The following SDK2 variants were observed in gnomAD, a reference collection of about 807,000 sequenced individuals.
SDK2 encodes protein sidekick-2.
SDK2 carries 105 observed loss-of-function variants against 253.9 expected under a neutral mutation model. That is an observed-to-expected ratio of 0.41 (90% CI 0.35 to 0.49). SDK2 has a LOEUF of 0.49. Among genes scored for constraint, SDK2 ranks in the 20% least tolerant of loss-of-function variants. SDK2 has a pLI of 0.06. For missense variants in SDK2, 2,608 were observed against 3,003.0 expected (o/e 0.87, Z 3.07); for synonymous variants, 1,249 against 1,234.9 (o/e 1.01, Z -0.24).
Position 73,435,311 on chromosome 17 carries a change from TG to T in SDK2, c.1195+138del. ...GTAACTGGCTGTGCCCCCAGGCTGC[TG>T]GGCAGCAGGCGGCCTTTGGGGATCC... On this transcript the variant is annotated intron_variant, in intron 9 of 44. Coordinates refer to ENST00000392650, the MANE Select transcript of SDK2 (RefSeq NM_001144952.2). The surrounding 1 kb of genome is among the most constrained non-coding windows in gnomAD (Gnocchi z 5.7). 1 of 799,836 alleles carries T rather than the reference TG, an allele frequency of 1.3e-6. No homozygotes were observed. 49.5% of individuals were successfully genotyped at this position (799,836 alleles called of 1,614,324 possible). A position where few individuals can be genotyped will look rare whatever the true frequency, so the allele number is the denominator to read the frequency against.
At position 73,345,319 on chromosome 17, in the gene SDK2, C is replaced by CA. The variant is rs532451680; in HGVS notation, c.6165+3279dup. On this transcript the variant is annotated intron_variant, in intron 44 of 44. Transcript: ENST00000392650. The stretch of plus-strand genomic sequence containing the variant: ...GGGGGACAAGAGCGAGACTTCATTT[C>CA]AAAAAAAAAAGAAAAAAAAAGAGAA... 2.3e-3 allele frequency among the ~76,000 whole-genome samples: 326 copies of CA among 140,624 alleles called. 8 individuals are homozygous for CA. The East Asian group carries it at 0.041, about 18-fold the overall frequency. The allele number at this position is 140,624 out of a possible 152,430, so 92.3% of individuals were successfully genotyped here.
At chr17:73,434,532 C>G (rs1335884676) in intron 9 of SDK2, among the ~76,000 whole-genome samples, 1 of 152,242 alleles carries the variant, frequency 6.6e-6, no homozygotes, top group Admixed American at 6.5e-5. Flanking sequence ...GTGATGAACA[C>G]CGTGGAGCTC....
intron 44 of SDK2, among the ~76,000 whole-genome samples, chr17:73,344,683 G>A (rs932064906): frequency 3.3e-5 from 5 of 152,178 alleles, no homozygotes; most frequent in East Asian, 1.9e-4. Flanking sequence ...GCCCCACAGC[G>A]TTTCTTGTTT....
At chr17:73,408,734 A>AAG (rs999533945) in intron 18 of SDK2, among the ~76,000 whole-genome samples, 7 of 152,190 alleles carry the variant, frequency 4.6e-5, no homozygotes, top group Non-Finnish European at 7.4e-5. Flanking sequence ...GGGAGAGAGA[A>AAG]AGAGAGAGAG....
At chr17:73,634,562 G>A (rs551802818) in intron 1 of SDK2, among the ~76,000 whole-genome samples, 2 of 152,174 alleles carry the variant, frequency 1.3e-5, no homozygotes, top group Admixed American at 6.5e-5. Context: ...AGCTTAATAG[G>A]TGGGTTCTCT....
In SDK2 at chr17:73,358,138, G is replaced by A; in HGVS notation, c.5534C>T (p.Ser1845Phe). The A allele has an allele frequency of 2.5e-6, 4 of 1,613,262 alleles. No individual in the cohort carries two copies. The highest frequency in any genetic ancestry group is 3.4e-6 in the Non-Finnish European group (4 of 1,179,738). Residue 1845 changes from serine to phenylalanine, a missense_variant, in exon 40 of 45, where the codon TCC becomes TTC. Ser to Phe is a radical substitution (Grantham distance 155). This residue lies in a region of SDK2 where 1,103 missense variants were observed against 1,143.9 expected (regional missense o/e 0.96). Coordinates refer to ENST00000392650, the MANE Select transcript of SDK2 (RefSeq NM_001144952.2). ...GGGCCCTTTGCCCGGGTCTCCGCTGGACCAGTGAATGGCGATGGCAGAGCT... is the reference window on the plus strand; with the variant it reads ...GGGCCCTTTGCCCGGGTCTCCGCTGAACCAGTGAATGGCGATGGCAGAGCT... ...RYSSAIAIHW[S>F]SGDPGKGPIT...
intron 2 of SDK2, among the ~76,000 whole-genome samples, chr17:73,484,953 C>T (rs985482869): frequency 6.6e-5 from 10 of 152,210 alleles, no homozygotes; most frequent in African/African-American, 2.4e-4. Context: ...TGTGCCTGGG[C>T]TCTCCTGTCT....
At chr17:73,404,600 G>A (rs997817952) in intron 18 of SDK2, among the ~76,000 whole-genome samples, 6 of 152,250 alleles carry the variant, frequency 3.9e-5, no homozygotes, top group Non-Finnish European at 7.3e-5. Context: ...AGCTGGCTCA[G>A]TTTGTGGACC....
chr17:73,436,984 T>G lies in SDK2; in HGVS notation c.1000+755A>C, dbSNP rs147018224. Among the ~76,000 whole-genome samples the G allele has an allele frequency of 3.9e-5, 6 of 152,292 alleles. No homozygotes were observed. The East Asian group carries it at 7.7e-4, about 20-fold the overall frequency. The stretch of plus-strand genomic sequence containing the variant: ...GCAGGGATCTGGCTGTTTGGTTTAT[T>G]ATGTATCTCCCCACTCCTGAGGACA... On this transcript the variant is annotated intron_variant, in intron 8 of 44. Coordinates refer to ENST00000392650, the MANE Select transcript of SDK2 (RefSeq NM_001144952.2).
chr17:73,403,977 A>C (rs1349401820), intron 18 of SDK2, among the ~76,000 whole-genome samples: 1 of 152,248 alleles, frequency 6.6e-6, no homozygotes, highest in Non-Finnish European at 1.5e-5. Context: ...TTCCCCAGCA[A>C]GTATAAAATC....
At chr17:73,516,868 A>G (rs951725800) in intron 1 of SDK2, 1 of 152,176 alleles carries the variant, frequency 6.6e-6, no homozygotes, top group Non-Finnish European at 1.5e-5. Flanking sequence ...ATACACATCT[A>G]ATCTGATTAG....
intron 1 of SDK2, among the ~76,000 whole-genome samples, chr17:73,602,332 C>G (rs1007543747): frequency 3.9e-5 from 6 of 152,136 alleles, no homozygotes; most frequent in African/African-American, 1.4e-4. Flanking sequence ...GAGGCCTGGG[C>G]AGAGCAAGGA....
chr17:73,417,405 C>T (rs1043118279), intron 16 of SDK2, among the ~76,000 whole-genome samples: 1 of 98,830 alleles, frequency 1.0e-5, no homozygotes, highest in Non-Finnish European at 2.1e-5. Flanking sequence ...GACCCTGTCT[C>T]AAAAAAAAAA....
chr17:73,379,399 TG>T lies in SDK2; in HGVS notation c.4864+48del. On this transcript the variant is annotated intron_variant, in intron 35 of 44. Coordinates refer to ENST00000392650, the MANE Select transcript of SDK2 (RefSeq NM_001144952.2). This position sits in a 1 kb window ranked among gnomAD's most constrained non-coding sequence, Gnocchi z 4.5. Reference sequence around the variant, plus strand: ...TCCCGTTTCTTCCAGCTGAACTGGGTGGGGCTGGGAAAGGCATGCTGGGGCC... The same window carrying T: ...TCCCGTTTCTTCCAGCTGAACTGGGTGGGCTGGGAAAGGCATGCTGGGGCC... 1 of 1,537,760 alleles carries T rather than the reference TG, an allele frequency of 6.5e-7. No individual in the cohort carries two copies. Among genetic ancestry groups the T allele is most frequent in the South Asian group, 1.2e-5 (1 of 84,536 alleles).
intron 5 of SDK2, among the ~76,000 whole-genome samples, chr17:73,444,910 C>T (rs1235479754): frequency 6.6e-6 from 1 of 152,194 alleles, no homozygotes; most frequent in Non-Finnish European, 1.5e-5. Flanking sequence ...GGGCCATGAG[C>T]CACACGTGCC....
At chr17:73,425,861 G>T (rs1246074045) in intron 12 of SDK2, among the ~76,000 whole-genome samples, 1 of 151,842 alleles carries the variant, frequency 6.6e-6, no homozygotes, top group African/African-American at 2.4e-5. Context: ...TGTAATATGA[G>T]GAAACTAACA....
chr17:73,440,326 G>C (rs1410810798), intron 6 of SDK2, among the ~76,000 whole-genome samples: 1 of 151,970 alleles, frequency 6.6e-6, no homozygotes, highest in Non-Finnish European at 1.5e-5. Flanking sequence ...GGCTGGTCTT[G>C]AACTCCCGAC....
At chr17:73,453,047 C>T (rs1277019128) in intron 4 of SDK2, among the ~76,000 whole-genome samples, 4 of 152,226 alleles carry the variant, frequency 2.6e-5, no homozygotes, top group Middle Eastern at 3.2e-3. Flanking sequence ...AATTCTTCAC[C>T]CTGCTCTGTA....
At chr17:73,610,560 C>T (rs1314752187) in intron 1 of SDK2, among the ~76,000 whole-genome samples, 1 of 152,160 alleles carries the variant, frequency 6.6e-6, no homozygotes, top group Non-Finnish European at 1.5e-5. Context: ...CACAAGACGG[C>T]CAGGAGAGCC....
Sources: allele counts gnomAD v4.1 joint callset (sites outside exome capture counted in the v4.1 genomes callset), GRCh38; gene constraint gnomAD v4.1.1; regional missense constraint gnomAD v4.1.1; non-coding constraint Gnocchi (gnomAD v3.1); transcripts MANE v1.5; gene names NCBI Gene and HGNC (gene_info 2026-07-23, HGNC 2026-07-21).